PCDHGA7: variants seen among roughly 807,000 people sequenced by gnomAD.
PCDHGA7 encodes the protein protocadherin gamma subfamily A, 7.
In PCDHGA7, 44 loss-of-function variants were observed where a neutral mutation model predicts 58.3. That is an observed-to-expected ratio of 0.75 (90% CI 0.59 to 0.97). PCDHGA7 has a LOEUF of 0.97. Among genes scored for constraint, PCDHGA7 ranks in the 50% least tolerant of loss-of-function variants. The probability of loss-of-function intolerance (pLI) is 0.00; values close to 1 mark genes in which losing one functional copy is unlikely to be tolerated. For missense variants in PCDHGA7, 1,266 were observed against 1,188.7 expected, an observed-to-expected ratio of 1.06 and a Z score of -0.96; for synonymous variants, 516 against 504.2, an observed-to-expected ratio of 1.02 and a Z score of -0.31.
At chr5:141,503,555 C>T (rs1010409481) in intron 2 of PCDHGA7, among the ~76,000 whole-genome samples, 2 of 148,816 alleles carry the variant, frequency 1.3e-5, no homozygotes, top group African/African-American at 5.0e-5. Context: ...GCCGAGATCG[C>T]GCCACTGTAC....
intron 1 of PCDHGA7, among the ~76,000 whole-genome samples, chr5:141,462,211 C>T (rs543979258): frequency 2.0e-5 from 3 of 151,998 alleles, no homozygotes; most frequent in South Asian, 2.1e-4. Context: ...CCGCCTGCCT[C>T]GGCCTCCCAA....
chr5:141,391,238 T>A (rs1388439892), intron 1 of PCDHGA7: 1 of 152,120 alleles, frequency 6.6e-6, no homozygotes, highest in Non-Finnish European at 1.5e-5. Flanking sequence ...TTGCTAGGTA[T>A]ATCTAAGCAA....
chr5:141,464,572 A>G (rs912710973), intron 1 of PCDHGA7, among the ~76,000 whole-genome samples: 5 of 152,148 alleles, frequency 3.3e-5, no homozygotes, highest in African/African-American at 1.2e-4. Flanking sequence ...CTACAAATAG[A>G]TGAGAATGTC....
intron 2 of PCDHGA7, among the ~76,000 whole-genome samples, chr5:141,496,123 C>T (rs2099766207): frequency 6.6e-6 from 1 of 152,098 alleles, no homozygotes; most frequent in African/African-American, 2.4e-5. Flanking sequence ...CTTCCCTGCC[C>T]CTCACACACT....
At chr5:141,404,779 C>G in intron 1 of PCDHGA7, 1 of 1,613,746 alleles carries the variant, frequency 6.2e-7, no homozygotes, top group Non-Finnish European at 8.5e-7. Context: ...ACCGCCTATT[C>G]AAGGCCAGTG....
intron 1 of PCDHGA7, chr5:141,418,598 T>G: frequency 6.2e-7 from 1 of 1,614,010 alleles, no homozygotes; most frequent in Non-Finnish European, 8.5e-7. Flanking sequence ...CCAGGACGTG[T>G]ACAGGGTTAG....
intron 1 of PCDHGA7, among the ~76,000 whole-genome samples, chr5:141,464,747 G>A (rs969116049): frequency 2.0e-5 from 3 of 151,812 alleles, no homozygotes; most frequent in Admixed American, 2.0e-4. Context: ...ATATCTTTTT[G>A]TTTTTTTAGA....
Position 141,431,500 on chromosome 5 carries a change from C to T in PCDHGA7, c.2424+46177C>T, listed in dbSNP as rs903027252. On this transcript the variant is annotated intron_variant, in intron 1 of 3. Transcript: ENST00000518325. This position sits in a 1 kb window ranked among gnomAD's most constrained non-coding sequence, Gnocchi z 4.8. ...CACCAGCGTTTGCTCAGCCCGAGTACCGCGCGAGCGTTCCGGAGAATCTGG... is the reference window on the plus strand; with the variant it reads ...CACCAGCGTTTGCTCAGCCCGAGTATCGCGCGAGCGTTCCGGAGAATCTGG... The T allele has an allele frequency of 4.4e-5, 71 of 1,613,894 alleles. No individual in the cohort carries two copies. The highest frequency in any genetic ancestry group is 5.9e-5 in the Non-Finnish European group (70 of 1,180,050).
At chr5:141,423,029 A>C (rs1049470142) in intron 1 of PCDHGA7, 1 of 1,614,218 alleles carries the variant, frequency 6.2e-7, no homozygotes, top group Non-Finnish European at 8.5e-7. Context: ...GATTCAGGCC[A>C]GAACGCCTGG....
Position 141,489,517 on chromosome 5 carries a change from G to C in PCDHGA7, c.2425-5290G>C. The C allele has an allele frequency of 6.2e-7, 1 of 1,614,136 alleles. No individual in the cohort carries two copies. Among genetic ancestry groups the C allele is most frequent in the Non-Finnish European group, 8.5e-7 (1 of 1,180,044 alleles). On this transcript the variant is annotated intron_variant, in intron 1 of 3. Transcript: ENST00000518325. The surrounding 1 kb of genome is among the most constrained non-coding windows in gnomAD (Gnocchi z 4.5). ...GGCAGTGAATCAAAAGATTGACCGA[G>C]AAAGCCTATGTGGAGCCAGCACCAG...
At position 141,493,412 on chromosome 5, in the gene PCDHGA7, G is replaced by A. The variant is rs1288041038; in HGVS notation, c.2425-1395G>A. Among the ~76,000 whole-genome samples, 3 of 152,114 alleles carry A rather than the reference G, an allele frequency of 2.0e-5. No individual in the cohort carries two copies. The highest frequency in any genetic ancestry group is 4.4e-5 in the Non-Finnish European group (3 of 68,024). On this transcript the variant is annotated intron_variant, in intron 1 of 3. Coordinates refer to ENST00000518325, the MANE Select transcript of PCDHGA7 (RefSeq NM_018920.4). This position sits in a 1 kb window ranked among gnomAD's most constrained non-coding sequence, Gnocchi z 4.3. ...CAGGAGAGGGGAGTTGCCTCTGCTG[G>A]GATTTTGCTTCTGCTGGGATGGGGC...
chr5:141,400,212 C>G (rs773459521), intron 1 of PCDHGA7: 4 of 1,614,058 alleles, frequency 2.5e-6, no homozygotes, highest in Non-Finnish European at 3.4e-6. Context: ...TGGCCTTGAT[C>G]TCAGTGCTCT....
chr5:141,432,919 C>T lies in PCDHGA7; in HGVS notation c.2424+47596C>T. ...TGGCGCTCAGGCTGCGGCGCTGGCACAAGTCACGCCTGCTGCAGGCTTCAG... is the reference window on the plus strand; with the variant it reads ...TGGCGCTCAGGCTGCGGCGCTGGCATAAGTCACGCCTGCTGCAGGCTTCAG... On this transcript the variant is annotated intron_variant, in intron 1 of 3. Coordinates refer to ENST00000518325, the MANE Select transcript of PCDHGA7 (RefSeq NM_018920.4). The surrounding 1 kb of genome is among the most constrained non-coding windows in gnomAD (Gnocchi z 6.0). The T allele has an allele frequency of 2.5e-6, 4 of 1,614,210 alleles. No individual in the cohort carries two copies. Among genetic ancestry groups the T allele is most frequent in the Non-Finnish European group, 3.4e-6 (4 of 1,180,040 alleles).
chr5:141,383,709 C>T lies in PCDHGA7; in HGVS notation c.810C>T (p.Asp270=). ...TCACGGTACATGCTATCGACCTGGA[C>T]GAGGGAGTCAATGGGGAAGTGACAT... The part of the protein sequence containing the change: ...RLLTVHAIDL[D]EGVNGEVTYS... The change falls in exon 1 of 4, where the codon GAC becomes GAT. Residue 270 remains aspartate, a synonymous_variant. Coordinates refer to ENST00000518325, the MANE Select transcript of PCDHGA7 (RefSeq NM_018920.4). 6.2e-7 allele frequency: 1 copy of T among 1,613,896 alleles called. No homozygotes were observed. The highest frequency in any genetic ancestry group is 8.5e-7 in the Non-Finnish European group (1 of 1,179,858).
rs199877605 is a variant in PCDHGA7 at position 141,421,311 on chromosome 5, G to A, written c.2424+35988G>A. The A allele has an allele frequency of 9.5e-5, 154 of 1,613,788 alleles. No individual in the cohort carries two copies. The African/African-American group carries it at 1.9e-3, about 20-fold the overall frequency. On this transcript the variant is annotated intron_variant, in intron 1 of 3. Coordinates refer to ENST00000518325, the MANE Select transcript of PCDHGA7 (RefSeq NM_018920.4). ...TCCTGGGGACGCTGCGGGGGTTCCG[G>A]GCCAGGCAGATCCGATATTCGGTGC... is the stretch of plus-strand genomic sequence containing the variant.
At position 141,393,516 on chromosome 5, in the gene PCDHGA7, A is replaced by G. The variant is rs368866192; in HGVS notation, c.2424+8193A>G. 1.5e-5 allele frequency: 24 copies of G among 1,614,046 alleles called. No homozygotes were observed. Among genetic ancestry groups the G allele is most frequent in the African/African-American group, 2.7e-5 (2 of 75,084 alleles). ...GCGCATCCACGTGACAGTGTTGGAT[A>G]CAAATGACAATGCCCCGGTTTTTCC... is the stretch of plus-strand genomic sequence containing the variant. On this transcript the variant is annotated intron_variant, in intron 1 of 3. Transcript: ENST00000518325.
intron 1 of PCDHGA7, among the ~76,000 whole-genome samples, chr5:141,473,132 T>C (rs2099314792): frequency 6.6e-6 from 1 of 152,230 alleles, no homozygotes; most frequent in Non-Finnish European, 1.5e-5. Context: ...TGGCAAACTA[T>C]ATTATCTCTT....
chr5:141,383,111 GGAC>G lies in PCDHGA7; in HGVS notation c.214_216del (p.Thr72del). On this transcript the variant is annotated inframe_deletion, in exon 1 of 4. Coordinates refer to ENST00000518325, the MANE Select transcript of PCDHGA7 (RefSeq NM_018920.4). ...GGAGTCCGCATCATCTCCAGAGGTA[GGAC>G]GCAGCTTTTCGCCCTGAACCAGCGC... 1 of 1,614,040 alleles carries G rather than the reference GGAC, an allele frequency of 6.2e-7. No homozygotes were observed. Among genetic ancestry groups the G allele is most frequent in the South Asian group, 1.1e-5 (1 of 91,080 alleles).
chr5:141,404,681 C>T, intron 1 of PCDHGA7: 1 of 1,614,092 alleles, frequency 6.2e-7, no homozygotes, highest in Non-Finnish European at 8.5e-7. Context: ...TGGTGTGGAG[C>T]TGGCACCCCG....
Sources: allele counts gnomAD v4.1 joint callset (sites outside exome capture counted in the v4.1 genomes callset), GRCh38; gene constraint gnomAD v4.1.1; non-coding constraint Gnocchi (gnomAD v3.1); transcripts MANE v1.5; gene names NCBI Gene and HGNC (gene_info 2026-07-23, HGNC 2026-07-21).